HS6ST3: variants seen among roughly 807,000 people sequenced by gnomAD.
The protein encoded by HS6ST3 is heparan-sulfate 6-O-sulfotransferase 3.
A neutral mutation model predicts 36.7 loss-of-function variants in HS6ST3; 12 were observed. That is an observed-to-expected ratio of 0.33 (90% CI 0.21 to 0.53). The LOEUF (loss-of-function observed/expected upper bound fraction) is 0.53. HS6ST3 is among the 20% of genes least tolerant of loss of function. The probability of loss-of-function intolerance (pLI) is 0.95; values close to 1 mark genes in which losing one functional copy is unlikely to be tolerated. For synonymous variants in HS6ST3, 240 were observed against 257.5 expected (o/e 0.93, Z 0.65); for missense variants, 584 against 640.9 (o/e 0.91, Z 0.96).
chr13:96,711,678 A>G (rs1423469554), intron 1 of HS6ST3, among the ~76,000 whole-genome samples: 2 of 152,178 alleles, frequency 1.3e-5, no homozygotes, highest in African/African-American at 4.8e-5. Flanking sequence ...CAAAGCATCA[A>G]TTAAGCATCT....
intron 1 of HS6ST3, among the ~76,000 whole-genome samples, chr13:96,209,554 C>A (rs567547576): frequency 6.6e-6 from 1 of 152,270 alleles, no homozygotes; most frequent in African/African-American, 2.4e-5. Flanking sequence ...TAGCTGATAC[C>A]TTTTTGGGAG....
intron 1 of HS6ST3, among the ~76,000 whole-genome samples, chr13:96,780,737 T>A (rs1877504670): frequency 6.6e-6 from 1 of 152,064 alleles, no homozygotes; most frequent in African/African-American, 2.4e-5. Flanking sequence ...TCTGCCTCCT[T>A]CTTATATGTG....
In HS6ST3 at chr13:96,684,319, G is replaced by A. The variant is rs576222070; in HGVS notation, c.708-148171G>A. 3.9e-5 allele frequency among the ~76,000 whole-genome samples: 6 copies of A among 151,992 alleles called. No individual in the cohort carries two copies. The South Asian group carries it at 1.2e-3, about 32-fold the overall frequency. On this transcript the variant is annotated intron_variant, in intron 1 of 1. Coordinates refer to ENST00000376705, the MANE Select transcript of HS6ST3 (RefSeq NM_153456.4). ...TTAAACTATATTTCTGCATCTAGAGGCATCCTGTTCTAGGGAAATGGGAGA... is the reference window on the plus strand; with the variant it reads ...TTAAACTATATTTCTGCATCTAGAGACATCCTGTTCTAGGGAAATGGGAGA...
At chr13:96,273,251 T>C (rs1247733751) in intron 1 of HS6ST3, among the ~76,000 whole-genome samples, 2 of 151,920 alleles carry the variant, frequency 1.3e-5, no homozygotes, top group African/African-American at 4.9e-5. Context: ...TTCTGACCAA[T>C]GAATCATTGA....
intron 1 of HS6ST3, among the ~76,000 whole-genome samples, chr13:96,304,679 TTTTCTTTCTTTCTTTC>T (rs56363761): frequency 4.6e-5 from 4 of 87,032 alleles, no homozygotes; most frequent in African/African-American, 1.5e-4. Flanking sequence ...TGTTGCATGT[TTTTCTTTCTTTCTTTC>T]TTTCTTTCTT....
chr13:96,104,793 C>G (rs568753431), intron 1 of HS6ST3, among the ~76,000 whole-genome samples: 1 of 152,264 alleles, frequency 6.6e-6, no homozygotes, highest in South Asian at 2.1e-4. Context: ...TTCCCCTCTC[C>G]CTTGGCTTCC....
chr13:96,833,155 G>A lies in HS6ST3; in HGVS notation c.1373G>A (p.Gly458Glu), dbSNP rs1331474154. The change falls in exon 2 of 2, where the codon GGG becomes GAG. Residue 458 changes from glycine to glutamate, a missense_variant. Around this residue, in one of 3 missense-constraint regions of HS6ST3, gnomAD observed 360 missense variants for 411.3 expected, o/e 0.88. Transcript: ENST00000376705. ...CCCAAAGAAGATGGGGCTGCAGAAG[G>A]GACTGTCACCGAGGACTACAACAGC... ...QWPKEDGAAE[G>E]TVTEDYNSQV... 1 of 1,593,926 alleles carries A rather than the reference G, an allele frequency of 6.3e-7. No individual in the cohort carries two copies. The highest frequency in any genetic ancestry group is 2.2e-5 in the East Asian group (1 of 44,800).
At chr13:96,513,178 C>G (rs552239337) in intron 1 of HS6ST3, among the ~76,000 whole-genome samples, 9 of 152,222 alleles carry the variant, frequency 5.9e-5, no homozygotes, top group South Asian at 4.2e-4. Flanking sequence ...CCCCCTCCCC[C>G]CTTTACTGGA....
chr13:96,171,247 T>C (rs992913907), intron 1 of HS6ST3, among the ~76,000 whole-genome samples: 1 of 152,220 alleles, frequency 6.6e-6, no homozygotes, highest in Non-Finnish European at 1.5e-5. Flanking sequence ...TGAATTTCCA[T>C]GCATTTATCT....
intron 1 of HS6ST3, among the ~76,000 whole-genome samples, chr13:96,551,801 C>T (rs563120333): frequency 6.6e-6 from 1 of 152,310 alleles, no homozygotes; most frequent in South Asian, 2.1e-4. Flanking sequence ...CATACTTTCT[C>T]ACTTGAGGAA....
intron 1 of HS6ST3, among the ~76,000 whole-genome samples, chr13:96,295,844 G>A (rs1036245773): frequency 1.3e-5 from 2 of 152,060 alleles, no homozygotes; most frequent in Non-Finnish European, 2.9e-5. Context: ...AGGGAAGAAT[G>A]ACTGTGGTTA....
At chr13:96,808,085 T>C (rs956148497) in intron 1 of HS6ST3, among the ~76,000 whole-genome samples, 3 of 151,886 alleles carry the variant, frequency 2.0e-5, no homozygotes, top group Non-Finnish European at 4.4e-5. Flanking sequence ...CCAAAAATAA[T>C]GGAATAGAAA....
intron 1 of HS6ST3, among the ~76,000 whole-genome samples, chr13:96,529,246 G>A (rs2056126360): frequency 6.6e-6 from 1 of 152,044 alleles, no homozygotes. Flanking sequence ...TTTAAGCATA[G>A]GGTATGACAA....
At chr13:96,255,835 T>G (rs1463506801) in intron 1 of HS6ST3, among the ~76,000 whole-genome samples, 1 of 152,164 alleles carries the variant, frequency 6.6e-6, no homozygotes, top group Admixed American at 6.6e-5. Context: ...AGTTCACAAT[T>G]TTACAGATCT....
At chr13:96,558,948 C>T (rs2056251310) in intron 1 of HS6ST3, among the ~76,000 whole-genome samples, 1 of 151,998 alleles carries the variant, frequency 6.6e-6, no homozygotes, top group Non-Finnish European at 1.5e-5. Context: ...TTTTGGCCAA[C>T]AAAAGATGGA....
At chr13:96,622,616 TA>T (rs5805982) in intron 1 of HS6ST3, among the ~76,000 whole-genome samples, 135,715 of 152,176 alleles carry the variant, frequency 0.89, 60,571 homozygotes, top group South Asian at 0.91. Flanking sequence ...ACAATTACTA[TA>T]AAATATCTTA....
chr13:96,510,279 G>A (rs1038760859), intron 1 of HS6ST3, among the ~76,000 whole-genome samples: 8 of 152,150 alleles, frequency 5.3e-5, no homozygotes, highest in South Asian at 2.1e-4. Flanking sequence ...AAACCTAGGA[G>A]TCTTTAGGAT....
At chr13:96,683,940 C>A (rs1361547063) in intron 1 of HS6ST3, among the ~76,000 whole-genome samples, 1 of 152,110 alleles carries the variant, frequency 6.6e-6, no homozygotes, top group African/African-American at 2.4e-5. Context: ...ACTCTGCATA[C>A]TTTTCTAATT....
rs376944503 is a variant in HS6ST3 at position 96,499,882 on chromosome 13, G to A, written c.708-332608G>A. 9.3e-4 allele frequency among the ~76,000 whole-genome samples: 142 copies of A among 152,290 alleles called. 1 individual carries two copies. The highest frequency in any genetic ancestry group is 3.4e-3 in the African/African-American group (140 of 41,572). On this transcript the variant is annotated intron_variant, in intron 1 of 1. Transcript: ENST00000376705. ...GCCGTTGGTCTGCTTGAGCAGAAAA[G>A]CAGCATGATCTGACGTCAGTGTTTT...
Sources: gnomAD v4.1 joint callset for allele counts (sites outside exome capture counted in the v4.1 genomes callset) on GRCh38, gnomAD v4.1.1 for gene constraint, gnomAD v4.1.1 regional missense constraint, MANE v1.5 for transcripts, NCBI Gene and HGNC (gene_info 2026-07-23, HGNC 2026-07-21) for gene names.